Variants in DHX36 observed in about 807,000 individuals in gnomAD.
DHX36 encodes the protein DEAH-box helicase 36, also known as ATP-dependent DNA/RNA helicase DHX36.
DHX36 carries 50 observed loss-of-function variants against 139.0 expected under a neutral mutation model. The ratio of observed to expected loss-of-function variants is 0.36; its 90% CI spans 0.29 to 0.46. The LOEUF is 0.46. Ranked by LOEUF, DHX36 falls within the 20% of genes least tolerant of loss-of-function variation. The pLI, the probability that DHX36 is intolerant of heterozygous loss-of-function variation, is 1.00. For missense variants in DHX36, 1,024 were observed against 1,211.3 expected, an observed-to-expected ratio of 0.85 and a Z score of 2.29; for synonymous variants, 425 against 401.9, an observed-to-expected ratio of 1.06 and a Z score of -0.69.
intron 9 of DHX36, 92 bp from the exon 10 acceptor site, chr3:154,301,219 A>C (rs984345648): frequency 1.1e-5 from 14 of 1,248,144 alleles, no homozygotes; most frequent in Non-Finnish European, 1.5e-5. Context: ...ATTTTCAAAA[A>C]GGATTCCAAA....
At chr3:154,307,521 A>T (rs1292095271) in intron 5 of DHX36, among the ~76,000 whole-genome samples, 1 of 152,160 alleles carries the variant, frequency 6.6e-6, no homozygotes, top group African/African-American at 2.4e-5. Context: ...AAAATGCACA[A>T]CATCACTAAT....
At chr3:154,288,324 A>C (rs1711632479) in intron 17 of DHX36, among the ~76,000 whole-genome samples, 1 of 152,042 alleles carries the variant, frequency 6.6e-6, no homozygotes, top group Non-Finnish European at 1.5e-5. Flanking sequence ...GGCAAAACTG[A>C]ACTCTTTATG....
intron 12 of DHX36, among the ~76,000 whole-genome samples, chr3:154,297,622 A>G (rs1712093651): frequency 6.6e-6 from 1 of 151,940 alleles, no homozygotes; most frequent in Admixed American, 6.6e-5. Context: ...GAGGCAGGGA[A>G]CTGCTTGAAC....
In DHX36 at chr3:154,273,791, A is replaced by C. The variant is rs528405220; in HGVS notation, c.*2380T>G. 2 of 152,020 alleles carry C rather than the reference A, an allele frequency of 1.3e-5. No homozygotes were observed. Among genetic ancestry groups the C allele is most frequent in the Non-Finnish European group, 2.9e-5 (2 of 67,994 alleles). The allele number at this position is 152,020 out of a possible 1,614,324, so 9.4% of individuals were successfully genotyped here. ...TCCCAGTCATTGTATGATACTATTA[A>C]CTCTTTCGGTTTCCTTGCATTTATT... On this transcript the variant is annotated 3_prime_UTR_variant, in exon 25 of 25. Transcript: ENST00000496811.
At position 154,290,684 on chromosome 3, in the gene DHX36, A is replaced by ATTCTCAAG. The variant is rs1711758420; in HGVS notation, c.1815-866_1815-859dup. 3.3e-5 allele frequency among the ~76,000 whole-genome samples: 5 copies of ATTCTCAAG among 150,980 alleles called. No homozygotes were observed. In the South Asian group the frequency reaches 1.0e-3, roughly 32 times the overall value. ...TGTGAAGAGGTGACCATATTCATGT[A>ATTCTCAAG]TTCTCAAGTAGAAGAGATATTTCTT... On this transcript the variant is annotated intron_variant, in intron 15 of 24. Transcript: ENST00000496811.
At chr3:154,276,953 A>G in intron 23 of DHX36, 54 bp from the exon 24 acceptor site, 4 of 1,471,830 alleles carry the variant, frequency 2.7e-6, no homozygotes, top group Admixed American at 2.2e-5. Flanking sequence ...AAAGATTACT[A>G]TATAAATTCA....
Position 154,315,028 on chromosome 3 carries a change from T to C in DHX36, c.603+18A>G. 1 of 1,528,138 alleles carries C rather than the reference T, an allele frequency of 6.5e-7. No individual in the cohort carries two copies. Among genetic ancestry groups the C allele is most frequent in the Non-Finnish European group, 8.9e-7 (1 of 1,119,410 alleles). 94.7% of individuals were successfully genotyped at this position (1,528,138 alleles called of 1,614,324 possible). ...TAAGAAAAAAATGACAAAATATTTT[T>C]TGACATCTTTCTACTACCTGCATTT... On this transcript the variant is annotated intron_variant, in intron 3 of 24. Coordinates refer to ENST00000496811, the MANE Select transcript of DHX36 (RefSeq NM_020865.3).
chr3:154,283,545 A>T (rs1719402683), intron 19 of DHX36, among the ~76,000 whole-genome samples: 1 of 152,158 alleles, frequency 6.6e-6, no homozygotes, highest in Admixed American at 6.5e-5. Context: ...AATGGCATCC[A>T]AACTGTACAT....
chr3:154,290,996 G>C (rs914351371), intron 15 of DHX36, among the ~76,000 whole-genome samples: 1 of 150,050 alleles, frequency 6.7e-6, no homozygotes, highest in South Asian at 2.1e-4. Context: ...TTAGCCGGGC[G>C]TAGTGGCGGG....
chr3:154,307,767 T>A (rs1176604538), intron 5 of DHX36, among the ~76,000 whole-genome samples: 1 of 151,610 alleles, frequency 6.6e-6, no homozygotes, highest in Non-Finnish European at 1.5e-5. Context: ...ACTGCTGGGT[T>A]TCTACCCAAA....
At chr3:154,318,865 C>T (rs140201048) in intron 1 of DHX36, among the ~76,000 whole-genome samples, 32 of 152,158 alleles carry the variant, frequency 2.1e-4, no homozygotes, top group Non-Finnish European at 4.1e-4. Flanking sequence ...ATATCCTATA[C>T]TTCTTGCAGT....
rs367992102 is a variant in DHX36, at chr3:154,315,005, A to C, written c.603+41T>G. On this transcript the variant is annotated intron_variant, in intron 3 of 24. Coordinates refer to ENST00000496811, the MANE Select transcript of DHX36 (RefSeq NM_020865.3). Reference sequence around the variant, plus strand: ...CATACATACATTTTTATAAAGTGTAAGAAAAAAATGACAAAATATTTTTTG... The same window carrying C: ...CATACATACATTTTTATAAAGTGTACGAAAAAAATGACAAAATATTTTTTG... 1.6e-5 allele frequency: 22 copies of C among 1,411,384 alleles called. No homozygotes were observed. The African/African-American group carries it at 2.9e-4, about 18-fold the overall frequency. The allele number at this position is 1,411,384 out of a possible 1,614,324, so 87.4% of individuals were successfully genotyped here.
chr3:154,323,540 C>G (rs1032819952), intron 1 of DHX36, among the ~76,000 whole-genome samples: 1 of 152,168 alleles, frequency 6.6e-6, no homozygotes, highest in Non-Finnish European at 1.5e-5. Context: ...ATCAACCTGA[C>G]AATCACCTGA....
At position 154,276,335 on chromosome 3, in the gene DHX36, T is replaced by C. The variant is rs1196984514; in HGVS notation, c.2863A>G (p.Ile955Val). The change falls in exon 25 of 25, where the codon ATT becomes GTT. Residue 955 changes from isoleucine (I) to valine (V), a missense_variant. Physicochemically the swap from Ile to Val is conservative, Grantham distance 29. Around this residue, in one of 4 missense-constraint regions of DHX36, gnomAD observed 470 missense variants for 616.2 expected, o/e 0.76. Coordinates refer to ENST00000496811, the MANE Select transcript of DHX36 (RefSeq NM_020865.3). Reference protein sequence around the residue: ...LVKELRKELDILLQEKIESPH... With the variant: ...LVKELRKELDVLLQEKIESPH... ...CTTTCAATCTTCTCTTGCAGAAGAA[T>C]ATCTAGTTCCTTTCTTAATTCCTAA... is the stretch of plus-strand genomic sequence containing the variant. 6.2e-7 allele frequency: 1 copy of C among 1,611,582 alleles called. No homozygotes were observed. The highest frequency in any genetic ancestry group is 1.1e-5 in the South Asian group (1 of 90,086).
intron 1 of DHX36, among the ~76,000 whole-genome samples, chr3:154,322,409 T>C (rs1055650913): frequency 6.6e-6 from 1 of 152,202 alleles, no homozygotes; most frequent in Non-Finnish European, 1.5e-5. Context: ...AGAGCAAGAA[T>C]GGAAGCTAGA....
intron 12 of DHX36, among the ~76,000 whole-genome samples, chr3:154,297,732 GT>G (rs1218884346): frequency 6.6e-6 from 1 of 151,218 alleles, no homozygotes; most frequent in South Asian, 2.1e-4. Flanking sequence ...AAAGTCTCTA[GT>G]TTTTTTGTAT....
rs1228377280 is a variant in DHX36 at position 154,306,634 on chromosome 3, A to C, written c.814-339T>G. Among the ~76,000 whole-genome samples, 3 of 152,190 alleles carry C rather than the reference A, an allele frequency of 2.0e-5. No homozygotes were observed. In the East Asian group the frequency reaches 5.8e-4, roughly 29 times the overall value. ...TTGTAGAAGTTATGTGTAATTTGAA[A>C]GTAATTACATATTGATACTCTTCCC... On this transcript the variant is annotated intron_variant, in intron 5 of 24. Coordinates refer to ENST00000496811, the MANE Select transcript of DHX36 (RefSeq NM_020865.3).
chr3:154,280,470 C>A (rs113276149), intron 22 of DHX36, 109 bp downstream of exon 22: 34,820 of 764,034 alleles, frequency 0.046, 1,007 homozygotes, highest in Non-Finnish European at 0.058. Context: ...AAGAATATAA[C>A]CCACATATGA....
At chr3:154,293,194 A>C (rs1711890860) in intron 14 of DHX36, among the ~76,000 whole-genome samples, 1 of 152,192 alleles carries the variant, frequency 6.6e-6, no homozygotes, top group South Asian at 2.1e-4. Context: ...AATTTACCTC[A>C]GCTCCCATGC....
Sources: allele counts gnomAD v4.1 joint callset (sites outside exome capture counted in the v4.1 genomes callset), GRCh38; gene constraint gnomAD v4.1.1; regional missense constraint gnomAD v4.1.1; transcripts MANE v1.5; gene names NCBI Gene and HGNC (gene_info 2026-07-23, HGNC 2026-07-21).